The following ABCA1 variants were observed in gnomAD, a reference collection of about 807,000 sequenced individuals.
The protein encoded by ABCA1 is phospholipid-transporting ATPase ABCA1.
In ABCA1, 133 loss-of-function variants were observed where a neutral mutation model predicts 262.5. The observed-to-expected ratio is 0.51, with a 90% CI of 0.44 to 0.59. ABCA1 has a LOEUF of 0.59. Ranked by LOEUF, ABCA1 falls within the 20% of genes least tolerant of loss-of-function variation. ABCA1 has a pLI of 0.00. For missense variants in ABCA1, 2,452 were observed against 2,777.5 expected (o/e 0.88, Z 2.63); for synonymous variants, 1,022 against 1,043.5 (o/e 0.98, Z 0.40).
chr9:104,897,256 G>A (rs1251375340), intron 2 of ABCA1, among the ~76,000 whole-genome samples: 2 of 152,080 alleles, frequency 1.3e-5, no homozygotes, highest in Non-Finnish European at 2.9e-5. Flanking sequence ...AACCAGGCCT[G>A]CCTTCCCTGA....
chr9:104,812,708 CT>C lies in ABCA1; in HGVS notation c.3915del (p.Asp1306ThrfsTer14), dbSNP rs1564114660. The C allele has an allele frequency of 1.2e-6, 2 of 1,614,232 alleles. No individual in the cohort carries two copies. The highest frequency in any genetic ancestry group is 1.7e-6 in the Non-Finnish European group (2 of 1,180,048). ...TTGCCATCCATCCCACTGAGCAAGT[CT>C]GTCTCTCTGGATTCTGCAAGAAGCC... is the stretch of plus-strand genomic sequence containing the variant. The part of the protein sequence containing the change: ...DSDIDPESRE[T>X]DLLSGMDGKG... On this transcript the variant is annotated frameshift_variant, in exon 28 of 50. Transcript: ENST00000374736. LOFTEE classifies it high-confidence loss of function.
Position 104,833,444 on chromosome 9 carries a change from A to G in ABCA1, c.1312-673T>C, listed in dbSNP as rs115351407. On this transcript the variant is annotated intron_variant, in intron 11 of 49. Transcript: ENST00000374736. ...TGATCCTCCCACCTCAACCTCCCCAAGTGCTGGGATTACAGGCACAAGCCA... is the reference window on the plus strand; with the variant it reads ...TGATCCTCCCACCTCAACCTCCCCAGGTGCTGGGATTACAGGCACAAGCCA... 8.1e-3 allele frequency among the ~76,000 whole-genome samples: 1,240 copies of G among 152,260 alleles called. 13 individuals carry two copies. Among genetic ancestry groups the G allele is most frequent in the African/African-American group, 0.029 (1,194 of 41,536 alleles).
chr9:104,852,596 G>A (rs1386686226), intron 7 of ABCA1, among the ~76,000 whole-genome samples: 3 of 152,148 alleles, frequency 2.0e-5, no homozygotes, highest in Non-Finnish European at 4.4e-5. Flanking sequence ...ATGGAGTTGA[G>A]CAGTCATATT....
At chr9:104,839,513 G>GT (rs1834171260) in intron 9 of ABCA1, among the ~76,000 whole-genome samples, 1 of 141,242 alleles carries the variant, frequency 7.1e-6, no homozygotes, top group Non-Finnish European at 1.5e-5. Context: ...CTACTTAAAT[G>GT]TTAGTTCTTT....
At chr9:104,797,635 T>TC (rs1412738162) in intron 37 of ABCA1, among the ~76,000 whole-genome samples, 2 of 152,158 alleles carry the variant, frequency 1.3e-5, no homozygotes, top group Non-Finnish European at 2.9e-5. Context: ...AGTGACACAG[T>TC]CTAAGGGGCT....
rs146024599 is a variant in ABCA1, at chr9:104,800,565, A to T, written c.4718T>A (p.Phe1573Tyr). Residue 1573 changes from phenylalanine to tyrosine, a missense_variant, in exon 35 of 50, where the codon TTT (phenylalanine) becomes TAT (tyrosine). Transcript: ENST00000374736. ...CATAAATCTTCCCAAGCTGTTGAGA[A>T]ATCGATCTGCAGAACTGTCCTGTAA... is the stretch of plus-strand genomic sequence containing the variant. ...KLAKDSSADRFLNSLGRFMTG... is the reference protein window; with the variant it reads ...KLAKDSSADRYLNSLGRFMTG... 1.2e-6 allele frequency: 2 copies of T among 1,614,034 alleles called. No individual in the cohort carries two copies. The highest frequency in any genetic ancestry group is 1.7e-6 in the Non-Finnish European group (2 of 1,179,994).
rs1839476540 is a variant in ABCA1 at position 104,889,133 on chromosome 9, C to A, written c.129G>T (p.Arg43=). The A allele has an allele frequency of 6.2e-7, 1 of 1,614,102 alleles. No homozygotes were observed. Among genetic ancestry groups the A allele is most frequent in the Non-Finnish European group, 8.5e-7 (1 of 1,179,998 alleles). ...GTTGTTCATAGGGTGGGTAGCTCAG[C>A]CGAACAGAGATCAGGATCAGGAAGA... ...LFIFLILISV[R]LSYPPYEQHE... Residue 43 remains arginine (R), a synonymous_variant, in exon 3 of 50, where the codon CGG becomes CGT. Transcript: ENST00000374736.
At chr9:104,789,213 G>A (rs1029623259) in intron 44 of ABCA1, among the ~76,000 whole-genome samples, 2 of 152,178 alleles carry the variant, frequency 1.3e-5, no homozygotes, top group African/African-American at 2.4e-5. Context: ...AATTAGGATT[G>A]AGGCACACGT....
Position 104,817,297 on chromosome 9 carries a change from G to T in ABCA1, c.3535+35C>A. 1 of 1,613,992 alleles carries T rather than the reference G, an allele frequency of 6.2e-7. No homozygotes were observed. The highest frequency in any genetic ancestry group is 8.5e-7 in the Non-Finnish European group (1 of 1,179,976). ...ACTCTGCCCAGCTGGGGGAAGCTCA[G>T]GCACCACCTGAATAAGAAACCCCAG... On this transcript the variant is annotated intron_variant, in intron 24 of 49. Coordinates refer to ENST00000374736, the MANE Select transcript of ABCA1 (RefSeq NM_005502.4). This position sits in a 1 kb window ranked among gnomAD's most constrained non-coding sequence, Gnocchi z 4.7.
chr9:104,786,770 C>T, intron 47 of ABCA1, 103 bp downstream of exon 47: 1 of 1,101,328 alleles, frequency 9.1e-7, no homozygotes, highest in Non-Finnish European at 1.4e-6. Context: ...AATTGTTTTA[C>T]TCTTTGCTTT....
chr9:104,784,942 C>T lies in ABCA1; in HGVS notation c.6645+454G>A, dbSNP rs899560104. The stretch of plus-strand genomic sequence containing the variant: ...TACAGGCATGAGCCACCACGCCCGG[C>T]CAAAAACTGACTTTCTATATCGCCC... On this transcript the variant is annotated intron_variant, in intron 49 of 49. Transcript: ENST00000374736. Among the ~76,000 whole-genome samples the T allele has an allele frequency of 4.6e-5, 7 of 152,284 alleles. 1 individual carries two copies. Among genetic ancestry groups the T allele is most frequent in the Non-Finnish European group, 8.8e-5 (6 of 68,024 alleles).
intron 5 of ABCA1, among the ~76,000 whole-genome samples, chr9:104,875,668 AAAG>A (rs933171817): frequency 2.6e-5 from 4 of 152,136 alleles, no homozygotes; most frequent in Non-Finnish European, 4.4e-5. Flanking sequence ...CTTAAAAAAA[AAAG>A]GTATTTCAGA....
rs1826497238 is a variant in ABCA1, at chr9:104,928,127, CG to C, written c.-286del. 1 of 152,286 alleles carries C rather than the reference CG, an allele frequency of 6.6e-6. No homozygotes were observed. Among genetic ancestry groups the C allele is most frequent in the Non-Finnish European group, 1.5e-5 (1 of 68,116 alleles). The allele number at this position is 152,286 out of a possible 1,614,324, so 9.4% of individuals were successfully genotyped here. ...AGGGTCGGCTCGGCTCTGCGGGTCC[CG>C]GCCCCACTCACTCTCGCTCGCAATT... On this transcript the variant is annotated 5_prime_UTR_variant, in exon 1 of 50. Coordinates refer to ENST00000374736, the MANE Select transcript of ABCA1 (RefSeq NM_005502.4).
chr9:104,795,865 G>A (rs1367354403), intron 39 of ABCA1, among the ~76,000 whole-genome samples, 188 bp downstream of exon 39: 1 of 152,204 alleles, frequency 6.6e-6, no homozygotes, highest in African/African-American at 2.4e-5. Flanking sequence ...GGCTTGACCA[G>A]CAAAATGTAA....
intron 29 of ABCA1, among the ~76,000 whole-genome samples, chr9:104,809,827 G>A (rs1256049791): frequency 6.6e-6 from 1 of 151,958 alleles, no homozygotes; most frequent in Non-Finnish European, 1.5e-5. Flanking sequence ...GTACACACAT[G>A]TACATACACA....
rs72732669 is a variant in ABCA1, at chr9:104,798,869, C to T, written c.4944-271G>A. Among the ~76,000 whole-genome samples, 724 of 152,224 alleles carry T rather than the reference C, an allele frequency of 4.8e-3. 2 individuals carry two copies. Among genetic ancestry groups the T allele is most frequent in the Non-Finnish European group, 7.3e-3 (496 of 67,994 alleles). ...TCACAATAAAACTAATGAAGGAAGT[C>T]AGAGTGGTTAATGGCATTCACTTTG... On this transcript the variant is annotated intron_variant, in intron 36 of 49. Transcript: ENST00000374736.
rs771064359 is a variant in ABCA1 at position 104,788,040 on chromosome 9, C to T, written c.6084G>A (p.Ala2028=). ...EKEVGKVGEW[A]IRKLGLVKYG... ...ACTTCACGAGGCCCAGTTTCCGAATCGCCCACTCACCAACCTACAGTGATA... is the reference window on the plus strand; with the variant it reads ...ACTTCACGAGGCCCAGTTTCCGAATTGCCCACTCACCAACCTACAGTGATA... Residue 2028 remains alanine, a synonymous_variant, in exon 46 of 50, where the codon GCG becomes GCA. Coordinates refer to ENST00000374736, the MANE Select transcript of ABCA1 (RefSeq NM_005502.4). The T allele has an allele frequency of 1.7e-5, 27 of 1,614,054 alleles. No individual in the cohort carries two copies. Among genetic ancestry groups the T allele is most frequent in the East Asian group, 8.9e-5 (4 of 44,890 alleles).
intron 1 of ABCA1, among the ~76,000 whole-genome samples, chr9:104,917,539 G>C (rs1445593944): frequency 6.6e-6 from 1 of 151,688 alleles, no homozygotes; most frequent in Non-Finnish European, 1.5e-5. Context: ...TGGATCACCT[G>C]AGGTCAGGAG....
intron 2 of ABCA1, among the ~76,000 whole-genome samples, chr9:104,893,782 A>C (rs1233304069): frequency 1.3e-5 from 2 of 152,222 alleles, no homozygotes; most frequent in Non-Finnish European, 2.9e-5. Context: ...TCAGGAGGCC[A>C]CATGACATTC....
Sources: gnomAD v4.1 joint callset for allele counts (sites outside exome capture counted in the v4.1 genomes callset) on GRCh38, gnomAD v4.1.1 for gene constraint, Gnocchi (gnomAD v3.1) non-coding constraint, MANE v1.5 for transcripts, NCBI Gene and HGNC (gene_info 2026-07-23, HGNC 2026-07-21) for gene names.